The following CHL1 variants were observed in gnomAD, a reference collection of about 807,000 sequenced individuals.
CHL1 encodes the protein neural cell adhesion molecule L1-like protein.
A neutral mutation model predicts 141.9 loss-of-function variants in CHL1; 96 were observed. That is an observed-to-expected ratio of 0.68 (90% CI 0.57 to 0.80). The LOEUF is 0.80. Among genes scored for constraint, CHL1 ranks in the 30% least tolerant of loss-of-function variants. The probability of loss-of-function intolerance (pLI) is 0.00; values close to 1 mark genes in which losing one functional copy is unlikely to be tolerated. For synonymous variants in CHL1, 613 were observed against 502.2 expected (o/e 1.22, Z -2.95); for missense variants, 1,820 against 1,457.2 (o/e 1.25, Z -4.05).
chr3:285,279 A>G (rs1697027328), intron 2 of CHL1, among the ~76,000 whole-genome samples: 1 of 152,254 alleles, frequency 6.6e-6, no homozygotes, highest in South Asian at 2.1e-4. Flanking sequence ...GGAAGACATT[A>G]TGACAGCTGG....
intron 2 of CHL1, among the ~76,000 whole-genome samples, chr3:289,788 A>G (rs1223969250): frequency 6.6e-6 from 1 of 151,332 alleles, no homozygotes; most frequent in Non-Finnish European, 1.5e-5. Context: ...TTGATTTAAT[A>G]CATCTTATTT....
chr3:321,587 G>T (rs906203962), intron 3 of CHL1, among the ~76,000 whole-genome samples: 2 of 152,010 alleles, frequency 1.3e-5, no homozygotes, highest in African/African-American at 4.8e-5. Flanking sequence ...ATAATCTCTG[G>T]CATACACATT....
chr3:323,200 T>C (rs1175836666), intron 3 of CHL1, among the ~76,000 whole-genome samples: 1 of 152,022 alleles, frequency 6.6e-6, no homozygotes, highest in Non-Finnish European at 1.5e-5. Context: ...CCCATTCATT[T>C]CAAGATAAAC....
intron 2 of CHL1, among the ~76,000 whole-genome samples, chr3:278,246 T>C (rs963295667): frequency 3.3e-5 from 5 of 152,380 alleles, no homozygotes; most frequent in Middle Eastern, 3.4e-3. Context: ...CTGCCTTTTA[T>C]GATTTTAACC....
At chr3:361,877 C>T (rs1375530844) in intron 13 of CHL1, 67 bp downstream of exon 13, 8 of 1,067,710 alleles carry the variant, frequency 7.5e-6, no homozygotes, top group Non-Finnish European at 1.2e-5. Context: ...TTTCTTCATC[C>T]GTCATTTGAC....
At position 291,612 on chromosome 3, in the gene CHL1, T is replaced by C. The variant is rs191502731; in HGVS notation, c.-94-28071T>C. Among the ~76,000 whole-genome samples the C allele has an allele frequency of 9.1e-3, 1,383 of 152,258 alleles. 27 individuals carry two copies. Among genetic ancestry groups the C allele is most frequent in the African/African-American group, 0.032 (1,316 of 41,532 alleles). ...TTGGTTCATATAAGCAGGCAAGTAA[T>C]AAATTTTCCTATACATTGTTATTTC... On this transcript the variant is annotated intron_variant, in intron 2 of 27. Transcript: ENST00000256509.
intron 24 of CHL1, among the ~76,000 whole-genome samples, chr3:395,451 A>G (rs1708591922): frequency 6.6e-6 from 1 of 152,114 alleles, no homozygotes; most frequent in African/African-American, 2.4e-5. Context: ...ACCTTTAACC[A>G]TTTCCTTTCC....
Position 340,824 on chromosome 3 carries a change from A to G in CHL1, c.416A>G (p.Asp139Gly), listed in dbSNP as rs1427032040. The G allele has an allele frequency of 6.2e-7, 1 of 1,611,104 alleles. No homozygotes were observed. Among genetic ancestry groups the G allele is most frequent in the Non-Finnish European group, 8.5e-7 (1 of 1,178,158 alleles). ...SVPKFPKEKI[D>G]PLEVEEGDPI... ...CCAAAATTCCCAAAAGAAAAAATTG[A>G]CCCTCTTGAAGTGGAGGAGGGAGAT... Residue 139 changes from aspartate to glycine, a missense_variant, in exon 6 of 28, where the codon GAC (aspartate) becomes GGC (glycine). By Grantham distance (94) the Asp-to-Gly change is moderately conservative. Coordinates refer to ENST00000256509, the MANE Select transcript of CHL1 (RefSeq NM_006614.4).
chr3:241,716 G>A (rs1392719152), intron 1 of CHL1, among the ~76,000 whole-genome samples: 6 of 151,654 alleles, frequency 4.0e-5, no homozygotes, highest in Admixed American at 2.0e-4. Flanking sequence ...GGACCCAAAT[G>A]TTGTTTCGCC....
intron 1 of CHL1, among the ~76,000 whole-genome samples, chr3:236,308 C>A (rs534628687): frequency 1.3e-5 from 2 of 152,234 alleles, no homozygotes; most frequent in South Asian, 4.1e-4. Context: ...TTAGTGATGA[C>A]CTGTTTTGTG....
chr3:225,758 C>T (rs1327680452), intron 1 of CHL1, among the ~76,000 whole-genome samples: 1 of 152,054 alleles, frequency 6.6e-6, no homozygotes, highest in African/African-American at 2.4e-5. Flanking sequence ...GCCTGTAATC[C>T]CAGCACTTTG....
At chr3:203,651 T>G (rs954580833) in intron 1 of CHL1, among the ~76,000 whole-genome samples, 1 of 152,140 alleles carries the variant, frequency 6.6e-6, no homozygotes, top group African/African-American at 2.4e-5. Context: ...TGGAAGGAGG[T>G]GGGAGCAGTA....
chr3:389,714 G>A (rs1399344130), intron 20 of CHL1, among the ~76,000 whole-genome samples: 1 of 152,092 alleles, frequency 6.6e-6, no homozygotes, highest in Non-Finnish European at 1.5e-5. Context: ...TTCCTATAAA[G>A]CTCTTTCTAC....
intron 1 of CHL1, among the ~76,000 whole-genome samples, chr3:203,315 T>C (rs1699120424): frequency 6.6e-6 from 1 of 152,246 alleles, no homozygotes. Flanking sequence ...AATTCATATT[T>C]CTGGCTTATC....
intron 1 of CHL1, among the ~76,000 whole-genome samples, chr3:198,254 C>A (rs1698570317): frequency 6.6e-6 from 1 of 152,014 alleles, no homozygotes; most frequent in Admixed American, 6.5e-5. Context: ...AGGTTCAGCC[C>A]CTCCTCGAAG....
At chr3:310,282 T>C (rs62227210) in intron 2 of CHL1, among the ~76,000 whole-genome samples, 2 of 151,990 alleles carry the variant, frequency 1.3e-5, no homozygotes, top group African/African-American at 2.4e-5. Flanking sequence ...TTTTTTTTAA[T>C]TAGCTGCATG....
intron 15 of CHL1, among the ~76,000 whole-genome samples, chr3:368,315 T>C (rs1424058870): frequency 6.6e-6 from 1 of 152,130 alleles, no homozygotes; most frequent in African/African-American, 2.4e-5. Flanking sequence ...TGGTATCTCA[T>C]TGTGGTTTTC....
At chr3:227,298 G>C (rs11709854) in intron 1 of CHL1, among the ~76,000 whole-genome samples, 24,982 of 152,196 alleles carry the variant, frequency 0.16, 2,176 homozygotes, top group Middle Eastern at 0.28. Context: ...TCTTATTCTA[G>C]TGAAGGAAAT....
chr3:239,681 G>A (rs1692366876), intron 1 of CHL1, among the ~76,000 whole-genome samples: 1 of 151,538 alleles, frequency 6.6e-6, no homozygotes, highest in East Asian at 1.9e-4. Context: ...ATGCTGATTT[G>A]TGAGATTTTG....
Sources: allele counts gnomAD v4.1 joint callset (sites outside exome capture counted in the v4.1 genomes callset), GRCh38; gene constraint gnomAD v4.1.1; transcripts MANE v1.5; gene names NCBI Gene and HGNC (gene_info 2026-07-23, HGNC 2026-07-21).